The following TTN variants were observed in gnomAD, a reference collection of about 807,000 sequenced individuals.
The protein encoded by TTN is connectin.
TTN carries 1,525 observed loss-of-function variants against 3,223.0 expected under a neutral mutation model. That is an observed-to-expected ratio of 0.47 (90% CI 0.45 to 0.49). The LOEUF is 0.49. Ranked by LOEUF, TTN falls within the 20% of genes least tolerant of loss-of-function variation. The pLI is 0.00. For missense variants in TTN, 40,786 were observed against 43,424.0 expected (o/e 0.94, Z 5.40); for synonymous variants, 14,094 against 15,161.0 (o/e 0.93, Z 5.17).
At position 178,599,179 on chromosome 2, in the gene TTN, C is replaced by T. The variant is rs747911018; in HGVS notation, c.56614G>A (p.Asp18872Asn). 1.3e-5 allele frequency: 19 copies of T among 1,511,270 alleles called. No homozygotes were observed. In the Admixed American group the frequency reaches 2.3e-4, roughly 18 times the overall value. The allele number at this position is 1,511,270 out of a possible 1,614,324, so 93.6% of individuals were successfully genotyped here. ...TTTCTTGCTGTTTCAGGTTCACTGT[C>T]AAGAGGTTCTCCAATGCCATATTTA... ...QNKYGIGEPL[D>N]SEPETARNLF... Residue 18872 changes from aspartate to asparagine, a missense_variant, in exon 290 of 363, where the codon GAC becomes AAC. Asp to Asn is a conservative substitution (Grantham distance 23, BLOSUM62 1). Coordinates refer to ENST00000589042, the MANE Select transcript of TTN (RefSeq NM_001267550.2).
At chr2:178,650,893 C>T in intron 208 of TTN, 59 bp from the exon 209 acceptor site, 2 of 1,495,890 alleles carry the variant, frequency 1.3e-6, no homozygotes, top group Non-Finnish European at 1.8e-6. Flanking sequence ...TAAATTTATA[C>T]CACATCGACT....
rs1282114647 is a variant in TTN at position 178,602,020 on chromosome 2, C to G, written c.55251G>C (p.Lys18417Asn). 1.9e-6 allele frequency: 3 copies of G among 1,612,588 alleles called. No individual in the cohort carries two copies. In the African/African-American group the frequency reaches 4.0e-5, roughly 22 times the overall value. Reference sequence around the variant, plus strand: ...TTCCTACCTTCATTGCTTTCTTTGCCTTTCCATCAAATTCCCAAGATGATT... The same window carrying G: ...TTCCTACCTTCATTGCTTTCTTTGCGTTTCCATCAAATTCCCAAGATGATT... Reference protein sequence around the residue: ...TPKSSWEFDGKAKKAMKDGVH... With the variant: ...TPKSSWEFDGNAKKAMKDGVH... The change falls in exon 284 of 363, where the codon AAG becomes AAC. Residue 18417 changes from lysine (K) to asparagine (N), a missense_variant. Transcript: ENST00000589042.
At chr2:178,637,507 A>ATGG in intron 223 of TTN, 88 bp from the exon 224 acceptor site, 2 of 687,202 alleles carry the variant, frequency 2.9e-6, no homozygotes, top group Non-Finnish European at 4.3e-6. Context: ...GTCATGCTCC[A>ATGG]TTATAAATAT....
In TTN at chr2:178,544,077, T is replaced by A; in HGVS notation, c.96067A>T (p.Thr32023Ser). The A allele has an allele frequency of 2.5e-6, 4 of 1,612,814 alleles. No homozygotes were observed. Among genetic ancestry groups the A allele is most frequent in the Non-Finnish European group, 2.5e-6 (3 of 1,179,162 alleles). The change falls in exon 346 of 363, where the codon ACT becomes TCT. Residue 32023 changes from threonine to serine, a missense_variant. Transcript: ENST00000589042. ...DLELADDLKK[T>S]VTIRAGASLR... is the part of the protein sequence containing the mutation. ...GAGGCCCCAGCCCTGATGGTCACAG[T>A]CTTCTTTAGATCATCTGCAAGCTCA... is the stretch of plus-strand genomic sequence containing the variant.
Position 178,589,716 on chromosome 2 carries a change from C to A in TTN, c.62009G>T (p.Gly20670Val), listed in dbSNP as rs1307936736. 7 of 1,613,388 alleles carry A rather than the reference C, an allele frequency of 4.3e-6. No homozygotes were observed. Among genetic ancestry groups the A allele is most frequent in the Non-Finnish European group, 5.9e-6 (7 of 1,179,620 alleles). ...ILAINPIDRP[G>V]EPENLHIADK... ...TGCAATGTGAAGGTTTTCAGGCTCA[C>A]CTGGTCTGTCAATAGGGTTAATAGC... The change falls in exon 304 of 363, where the codon GGT becomes GTT. Residue 20670 changes from glycine to valine, a missense_variant. By Grantham distance (109) the Gly-to-Val change is moderately radical (BLOSUM62 -3). Coordinates refer to ENST00000589042, the MANE Select transcript of TTN (RefSeq NM_001267550.2).
intron 69 of TTN, 173 bp from the exon 70 acceptor site, chr2:178,726,219 T>C: frequency 1.5e-6 from 1 of 688,628 alleles, no homozygotes; most frequent in African/African-American, 1.8e-5. Flanking sequence ...CTTCACAAGA[T>C]AACCAGCTAG....
chr2:178,648,778 A>G (rs1458052603), intron 213 of TTN, among the ~76,000 whole-genome samples: 1 of 152,116 alleles, frequency 6.6e-6, no homozygotes, highest in Non-Finnish European at 1.5e-5. Context: ...GCTTCCCATG[A>G]TGCCTCTGCC....
chr2:178,714,157 T>C lies in TTN; in HGVS notation c.26501A>G (p.Glu8834Gly). 1 of 1,610,880 alleles carries C rather than the reference T, an allele frequency of 6.2e-7. No individual in the cohort carries two copies. Among genetic ancestry groups the C allele is most frequent in the South Asian group, 1.1e-5 (1 of 90,276 alleles). Residue 8834 changes from glutamate (E) to glycine (G), a missense_variant, in exon 92 of 363, where the codon GAA becomes GGA. Glu to Gly is a moderately conservative substitution (Grantham distance 98). Transcript: ENST00000589042. ...GGTAACTTTTATGGATTCTGGCTTTTCTACAATTGTTGCAGGCTCTGGAAT... is the reference window on the plus strand; with the variant it reads ...GGTAACTTTTATGGATTCTGGCTTTCCTACAATTGTTGCAGGCTCTGGAAT... ...LSVLEPATIVEKPESIKVTTG... is the reference protein window; with the variant it reads ...LSVLEPATIVGKPESIKVTTG...
At chr2:178,688,347 TC>T in intron 126 of TTN, 123 bp from the exon 127 acceptor site, 1 of 863,096 alleles carries the variant, frequency 1.2e-6, no homozygotes, top group Non-Finnish European at 1.9e-6. Flanking sequence ...TCATGGTACT[TC>T]CTCACTATAA....
At position 178,757,871 on chromosome 2, in the gene TTN, A is replaced by T. The variant is rs1479218778; in HGVS notation, c.10349T>A (p.Val3450Asp). The change falls in exon 45 of 363, where the codon GTC (valine) becomes GAC (aspartate). Residue 3450 changes from valine (V) to aspartate (D), a missense_variant. Physicochemically the swap from Val to Asp is radical, Grantham distance 152 (BLOSUM62 -3). Coordinates refer to ENST00000589042, the MANE Select transcript of TTN (RefSeq NM_001267550.2). The part of the protein sequence containing the change: ...EENTSNSQWH[V>D]SLSVSFKKEP... Reference sequence around the variant, plus strand: ...CTTCTTAAATGAAACTGATAAAGAGACATGCCATTGGGAGTTTGATGTATT... The same window carrying T: ...CTTCTTAAATGAAACTGATAAAGAGTCATGCCATTGGGAGTTTGATGTATT... The T allele has an allele frequency of 6.5e-7, 1 of 1,548,030 alleles. No individual in the cohort carries two copies. The highest frequency in any genetic ancestry group is 1.3e-5 in the South Asian group (1 of 79,066).
intron 22 of TTN, 75 bp from the exon 23 acceptor site, chr2:178,779,537 G>A: frequency 9.8e-7 from 1 of 1,020,572 alleles, no homozygotes; most frequent in Non-Finnish European, 1.4e-6. Context: ...ATGTATCTGA[G>A]CTAGACTGTT....
chr2:178,677,777 G>A lies in TTN; in HGVS notation c.34135C>T (p.Pro11379Ser). Residue 11379 changes from proline to serine, a missense_variant, in exon 146 of 363, where the codon CCT becomes TCT. Physicochemically the swap from Pro to Ser is moderately conservative, Grantham distance 74 (BLOSUM62 -1). Coordinates refer to ENST00000589042, the MANE Select transcript of TTN (RefSeq NM_001267550.2). ...TCAGGTAGAACTTCCTCTTCTTCAG[G>A]TAGAACTTCCTCTTCCTCAGGTAGA... is the stretch of plus-strand genomic sequence containing the variant. ...EVLPEEEEVL[P>S]EEEEVLPEEE... is the part of the protein sequence containing the mutation. The A allele has an allele frequency of 6.2e-7, 1 of 1,612,396 alleles. No homozygotes were observed. Among genetic ancestry groups the A allele is most frequent in the Non-Finnish European group, 8.5e-7 (1 of 1,179,044 alleles).
intron 96 of TTN, 28 bp downstream of exon 96, chr2:178,711,916 T>C (rs773922441): frequency 1.3e-6 from 2 of 1,529,514 alleles, no homozygotes; most frequent in South Asian, 2.7e-5. Context: ...AAACACAAAT[T>C]CGTTCACTTT....
intron 148 of TTN, 78 bp downstream of exon 148, chr2:178,675,843 T>C (rs765301105): frequency 3.0e-5 from 47 of 1,541,702 alleles, no homozygotes; most frequent in Non-Finnish European, 4.1e-5. Context: ...TATTAACAAA[T>C]ACGGAAACAG....
chr2:178,617,995 C>T lies in TTN; in HGVS notation c.47356G>A (p.Gly15786Arg). 1.2e-6 allele frequency: 2 copies of T among 1,612,612 alleles called. No homozygotes were observed. The highest frequency in any genetic ancestry group is 4.5e-5 in the East Asian group (2 of 44,666). ...SLTWEPPEYD[G>R]GAEITNYVIE... ...ACGTAGTTTGTGATCTCAGCACCTCCATCATACTCTGGTGGTTCCCATGTC... is the reference window on the plus strand; with the variant it reads ...ACGTAGTTTGTGATCTCAGCACCTCTATCATACTCTGGTGGTTCCCATGTC... Residue 15786 changes from glycine (G) to arginine (R), a missense_variant, in exon 253 of 363, where the codon GGA (glycine) becomes AGA (arginine). Transcript: ENST00000589042.
chr2:178,680,569 G>A (rs901281222), intron 138 of TTN, among the ~76,000 whole-genome samples: 1 of 151,970 alleles, frequency 6.6e-6, no homozygotes, highest in African/African-American at 2.4e-5. Flanking sequence ...AATGTGAAAT[G>A]AGGTTTAGTG....
At position 178,767,662 on chromosome 2, in the gene TTN, T is replaced by A. The variant is rs879053834; in HGVS notation, c.9471+97A>T. On this transcript the variant is annotated intron_variant, in intron 40 of 362. Transcript: ENST00000589042. ...TGAGCTGATTTAATTCTTTAAAGGA[T>A]GGTGGTTAGAAAATGTAAAAGGGAA... is the stretch of plus-strand genomic sequence containing the variant. 52 of 1,522,624 alleles carry A rather than the reference T, an allele frequency of 3.4e-5. 1 individual carries two copies. In the South Asian group the frequency reaches 5.9e-4, roughly 17 times the overall value. 94.3% of individuals were successfully genotyped at this position (1,522,624 alleles called of 1,614,324 possible).
At position 178,576,888 on chromosome 2, in the gene TTN, G is replaced by A. The variant is rs773831745; in HGVS notation, c.69412+35C>T. ...TGATTTCCTAAACTCTGCTATAAAT[G>A]TTTCCATGTCAATTCCCTCACATGC... On this transcript the variant is annotated intron_variant, in intron 324 of 362. Transcript: ENST00000589042. This position sits in a 1 kb window ranked among gnomAD's most constrained non-coding sequence, Gnocchi z 4.3. The A allele has an allele frequency of 6.2e-7, 1 of 1,605,322 alleles. No homozygotes were observed.
chr2:178,620,016 C>T lies in TTN; in HGVS notation c.46401G>A (p.Arg15467=). ...CCACAAAAAGTCTAGCACGAGACTT[C>T]CTGTCTTCTACCCCGCAAGCATATT... ...ECEYACGVED[R]KSRARLFVEE... Residue 15467 remains arginine (R), a synonymous_variant, in exon 249 of 363, where the codon AGG becomes AGA. Coordinates refer to ENST00000589042, the MANE Select transcript of TTN (RefSeq NM_001267550.2). 6.2e-7 allele frequency: 1 copy of T among 1,611,612 alleles called. No homozygotes were observed. Among genetic ancestry groups the T allele is most frequent in the South Asian group, 1.1e-5 (1 of 90,866 alleles).
Sources: gnomAD v4.1 joint callset for allele counts (sites outside exome capture counted in the v4.1 genomes callset) on GRCh38, gnomAD v4.1.1 for gene constraint, Gnocchi (gnomAD v3.1) non-coding constraint, MANE v1.5 for transcripts, NCBI Gene and HGNC (gene_info 2026-07-23, HGNC 2026-07-21) for gene names.